Variants in DDHD1 observed in about 807,000 individuals in gnomAD.
DDHD1 encodes phospholipase DDHD1.
In DDHD1, 49 loss-of-function variants were observed where a neutral mutation model predicts 96.4. The observed-to-expected ratio is 0.51, with a 90% CI of 0.40 to 0.64. The LOEUF is 0.64. Among genes scored for constraint, DDHD1 ranks in the 30% least tolerant of loss-of-function variants. DDHD1 has a pLI of 0.00. For missense variants in DDHD1, 1,106 were observed against 1,161.2 expected (o/e 0.95, Z 0.69); for synonymous variants, 442 against 446.5 (o/e 0.99, Z 0.13).
intron 6 of DDHD1, among the ~76,000 whole-genome samples, chr14:53,071,393 G>A (rs961294699): frequency 2.6e-5 from 4 of 151,876 alleles, no homozygotes; most frequent in South Asian, 2.1e-4. Flanking sequence ...ATATTTCCAC[G>A]GTTATCTCTT....
intron 1 of DDHD1, among the ~76,000 whole-genome samples, chr14:53,135,771 T>C (rs1193334916): frequency 6.6e-6 from 1 of 152,162 alleles, no homozygotes; most frequent in African/African-American, 2.4e-5. Context: ...GAATAACACA[T>C]AATGGATTTA....
At chr14:53,065,587 T>C (rs972105920) in intron 6 of DDHD1, among the ~76,000 whole-genome samples, 3 of 152,180 alleles carry the variant, frequency 2.0e-5, no homozygotes, top group Non-Finnish European at 4.4e-5. Flanking sequence ...GAAGTACTGA[T>C]TGATATACAC....
At chr14:53,111,549 T>C (rs1214532157) in intron 1 of DDHD1, among the ~76,000 whole-genome samples, 5 of 152,230 alleles carry the variant, frequency 3.3e-5, no homozygotes, top group Non-Finnish European at 7.3e-5. Flanking sequence ...TGAGTTTTCC[T>C]GTACAGGTCA....
In DDHD1 at chr14:53,054,439, T is replaced by G; in HGVS notation, c.2436A>C (p.Ala812=). The G allele has an allele frequency of 6.2e-7, 1 of 1,613,384 alleles. No homozygotes were observed. The highest frequency in any genetic ancestry group is 8.5e-7 in the Non-Finnish European group (1 of 1,179,452). ...TAAGGAAATAATGTATGAACTAACA[T>G]GCAGAATCGAGGAAGCCAGAACTGC... ...PHSSSGFLDS[A]YFRLQESFFN... is the part of the protein sequence containing the mutation. The change falls in exon 11 of 13, where the codon GCA becomes GCC. Residue 812 remains alanine, a splice_region_variant and synonymous_variant. Transcript: ENST00000673822.
At chr14:53,105,684 T>A (rs1042552716) in intron 1 of DDHD1, among the ~76,000 whole-genome samples, 1 of 152,190 alleles carries the variant, frequency 6.6e-6, no homozygotes, top group African/African-American at 2.4e-5. Flanking sequence ...CTGTTTTATA[T>A]GTCTCTTGTG....
At chr14:53,103,172 T>C in intron 2 of DDHD1, 1 of 929,332 alleles carries the variant, frequency 1.1e-6, no homozygotes, top group Non-Finnish European at 1.6e-6. Flanking sequence ...TTTTGAACTG[T>C]TACAAAAATA....
rs1289322326 is a variant in DDHD1, at chr14:53,152,797, C to T, written c.302G>A (p.Arg101His). ...FSSAESGSSL[R>H]YYSEGESGGG... The stretch of plus-strand genomic sequence containing the variant: ...GCCGCTCTCACCCTCGCTGTAGTAG[C>T]GCAGCGAGGAGCCCGACTCGGCGGA... The change falls in exon 1 of 13, where the codon CGC becomes CAC. Residue 101 changes from arginine (R) to histidine (H), a missense_variant. Arg to His is a conservative substitution (Grantham distance 29, BLOSUM62 0). This residue lies in a region of DDHD1 where 456 missense variants were observed against 402.4 expected (regional missense o/e 1.13). Transcript: ENST00000673822. 6.2e-7 allele frequency: 1 copy of T among 1,608,410 alleles called. No individual in the cohort carries two copies. Among genetic ancestry groups the T allele is most frequent in the South Asian group, 1.1e-5 (1 of 90,670 alleles).
intron 1 of DDHD1, among the ~76,000 whole-genome samples, 198 bp downstream of exon 1, chr14:53,152,063 C>A (rs1891427799): frequency 6.6e-6 from 1 of 152,182 alleles, no homozygotes; most frequent in African/African-American, 2.4e-5. Context: ...CCTCCTGACC[C>A]CAGGCAGCTT....
At chr14:53,077,663 G>C (rs899179759) in intron 4 of DDHD1, among the ~76,000 whole-genome samples, 1 of 56,734 alleles carries the variant, frequency 1.8e-5, no homozygotes, top group Admixed American at 2.2e-4. Flanking sequence ...ATTAGTTTTT[G>C]TTTTTGTTTT....
chr14:53,065,917 G>A (rs1883973714), intron 6 of DDHD1, among the ~76,000 whole-genome samples: 1 of 152,080 alleles, frequency 6.6e-6, no homozygotes, highest in Non-Finnish European at 1.5e-5. Context: ...AACAGAATAA[G>A]TCTATTAAAA....
At chr14:53,061,017 T>G in intron 8 of DDHD1, 109 bp downstream of exon 8, 1 of 1,020,858 alleles carries the variant, frequency 9.8e-7, no homozygotes, top group Non-Finnish European at 1.4e-6. Flanking sequence ...GAATAAATAT[T>G]TATTTTGAAA....
intron 2 of DDHD1, chr14:53,096,076 G>A: frequency 1.1e-6 from 1 of 922,854 alleles, no homozygotes; most frequent in African/African-American, 1.8e-5. Context: ...TATAAGCCAG[G>A]AATATAACTA....
chr14:53,152,613 C>T lies in DDHD1; in HGVS notation c.486G>A (p.Glu162=). Residue 162 remains glutamate, a synonymous_variant, in exon 1 of 13, where the codon GAG becomes GAA. Transcript: ENST00000673822. ...ACCAGCGTACCTCCTCCGGGCCCAG[C>T]TCCGTCACTACCTCATAGCGGTGCC... ...AARHRYEVVT[E]LGPEEVRWFY... is the part of the protein sequence containing the mutation. 1 of 1,613,674 alleles carries T rather than the reference C, an allele frequency of 6.2e-7. No homozygotes were observed. Among genetic ancestry groups the T allele is most frequent in the South Asian group, 1.1e-5 (1 of 91,086 alleles).
chr14:53,074,883 C>G (rs1484410940), intron 4 of DDHD1, among the ~76,000 whole-genome samples: 1 of 152,118 alleles, frequency 6.6e-6, no homozygotes, highest in African/African-American at 2.4e-5. Flanking sequence ...CACTCTGTGT[C>G]TCTGTGTCAC....
At chr14:53,075,508 A>G (rs543255720) in intron 4 of DDHD1, among the ~76,000 whole-genome samples, 2 of 152,298 alleles carry the variant, frequency 1.3e-5, no homozygotes, top group African/African-American at 4.8e-5. Context: ...AGGTTGGTGC[A>G]TGAGGTTTAA....
chr14:53,063,283 A>T, intron 6 of DDHD1, 78 bp from the exon 7 acceptor site: 1 of 1,471,032 alleles, frequency 6.8e-7, no homozygotes, highest in Non-Finnish European at 9.1e-7. Context: ...CAAATACATT[A>T]AGGTAGAAAA....
intron 1 of DDHD1, among the ~76,000 whole-genome samples, chr14:53,127,344 G>C (rs1207335578): frequency 1.3e-5 from 2 of 152,200 alleles, no homozygotes; most frequent in Non-Finnish European, 2.9e-5. Flanking sequence ...AGGAGGCCTA[G>C]CCTAAAATTC....
chr14:53,058,684 A>G lies in DDHD1; in HGVS notation c.1843-58T>C, dbSNP rs1883279018. The G allele has an allele frequency of 2.0e-6, 3 of 1,511,662 alleles. No homozygotes were observed. The South Asian group carries it at 3.8e-5, about 19-fold the overall frequency. 93.6% of individuals were successfully genotyped at this position (1,511,662 alleles called of 1,614,324 possible). On this transcript the variant is annotated intron_variant, in intron 8 of 12. Transcript: ENST00000673822. The stretch of plus-strand genomic sequence containing the variant: ...ATGGTGAAGTGTTATCTTTCAACAA[A>G]ATTTGGGCATAACGTAATATATGGC...
Position 53,055,707 on chromosome 14 carries a change from C to G in DDHD1, c.2198G>C (p.Arg733Pro). ...ATTTGTTATAGATTCTCCATAGTGT[C>G]GGCGGGACAAAACTGGTGAGGTCAC... ...SPVTSPVLSR[R>P]HYGESITNIG... The change falls in exon 10 of 13, where the codon CGA becomes CCA. Residue 733 changes from arginine to proline, a missense_variant. Around this residue, in one of 2 missense-constraint regions of DDHD1, gnomAD observed 650 missense variants for 758.8 expected, o/e 0.86. Transcript: ENST00000673822. 1 of 1,614,028 alleles carries G rather than the reference C, an allele frequency of 6.2e-7. No homozygotes were observed. The highest frequency in any genetic ancestry group is 8.5e-7 in the Non-Finnish European group (1 of 1,179,964).
Sources: allele counts gnomAD v4.1 joint callset (sites outside exome capture counted in the v4.1 genomes callset), GRCh38; gene constraint gnomAD v4.1.1; regional missense constraint gnomAD v4.1.1; transcripts MANE v1.5; gene names NCBI Gene and HGNC (gene_info 2026-07-23, HGNC 2026-07-21).